The following LRFN5 variants were observed in gnomAD, a reference collection of about 807,000 sequenced individuals.
The protein encoded by LRFN5 is leucine rich repeat and fibronectin type III domain containing 5.
Under a neutral mutation model 45.6 loss-of-function variants are expected in LRFN5, and 24 were observed. The ratio of observed to expected loss-of-function variants is 0.53; its 90% confidence interval spans 0.38 to 0.74. The LOEUF is 0.74. Ranked by LOEUF, LRFN5 falls within the 30% of genes least tolerant of loss-of-function variation. The probability of loss-of-function intolerance (pLI) is 0.00; values close to 1 mark genes in which losing one functional copy is unlikely to be tolerated. For missense variants in LRFN5, 776 were observed against 861.5 expected, an observed-to-expected ratio of 0.90 and a Z score of 1.24; for synonymous variants, 340 against 313.8, an observed-to-expected ratio of 1.08 and a Z score of -0.88.
chr14:41,872,078 G>C (rs1890038811), intron 2 of LRFN5, among the ~76,000 whole-genome samples: 1 of 152,144 alleles, frequency 6.6e-6, no homozygotes, highest in Non-Finnish European at 1.5e-5. Flanking sequence ...GAGACTGAAT[G>C]AACAGTGCCT....
intron 2 of LRFN5, among the ~76,000 whole-genome samples, chr14:41,816,990 T>C (rs1265216007): frequency 6.8e-6 from 1 of 146,704 alleles, no homozygotes; most frequent in African/African-American, 2.5e-5. Context: ...AGCTTTTTAA[T>C]GTGGGAAGTT....
At chr14:41,671,604 A>ATTTTTTTTTTCTTT (rs1566613117) in intron 1 of LRFN5, among the ~76,000 whole-genome samples, 2 of 91,078 alleles carry the variant, frequency 2.2e-5, no homozygotes. Flanking sequence ...TGGAGGAGAG[A>ATTTTTTTTTTCTTT]TTTTTTTTTT....
At chr14:41,639,607 T>C (rs1879468725) in intron 1 of LRFN5, among the ~76,000 whole-genome samples, 1 of 152,106 alleles carries the variant, frequency 6.6e-6, no homozygotes, top group South Asian at 2.1e-4. Flanking sequence ...TATGATTTCA[T>C]AGGTAAAATC....
intron 2 of LRFN5, among the ~76,000 whole-genome samples, chr14:41,881,998 C>T (rs188542426): frequency 3.5e-4 from 53 of 152,208 alleles, no homozygotes; most frequent in African/African-American, 1.3e-3. Context: ...TAATGTTCAT[C>T]ACTTTTTCTT....
chr14:41,846,913 C>T (rs754336428), intron 2 of LRFN5, among the ~76,000 whole-genome samples: 5 of 152,028 alleles, frequency 3.3e-5, no homozygotes, highest in South Asian at 2.1e-4. Context: ...AACTTCAAAG[C>T]GACAAAGTTG....
chr14:41,726,634 A>AT (rs968472523), intron 1 of LRFN5, among the ~76,000 whole-genome samples: 21 of 151,588 alleles, frequency 1.4e-4, no homozygotes, highest in East Asian at 9.7e-4. Flanking sequence ...ATTTTTTTCT[A>AT]TTTTTTTTGA....
intron 5 of LRFN5, among the ~76,000 whole-genome samples, chr14:41,902,729 T>G (rs1157033805): frequency 1.3e-5 from 2 of 151,952 alleles, no homozygotes; most frequent in African/African-American, 4.8e-5. Flanking sequence ...CACTGTCATT[T>G]TCCTTCTAGG....
intron 2 of LRFN5, among the ~76,000 whole-genome samples, chr14:41,849,370 C>CA (rs1334908313): frequency 1.3e-5 from 2 of 151,898 alleles, no homozygotes; most frequent in African/African-American, 4.8e-5. Context: ...ATCCAAAACA[C>CA]AGTTTTGACT....
intron 5 of LRFN5, among the ~76,000 whole-genome samples, chr14:41,903,249 A>G (rs1891153484): frequency 6.6e-6 from 1 of 151,378 alleles, no homozygotes; most frequent in African/African-American, 2.4e-5. Flanking sequence ...TAACTTTATC[A>G]CATAAAATTA....
At chr14:41,754,845 A>C (rs1885302540) in intron 1 of LRFN5, among the ~76,000 whole-genome samples, 1 of 151,762 alleles carries the variant, frequency 6.6e-6, no homozygotes, top group Non-Finnish European at 1.5e-5. Flanking sequence ...TAGTTCTTTT[A>C]ATTGTGATGT....
intron 1 of LRFN5, among the ~76,000 whole-genome samples, chr14:41,697,980 A>G (rs1301510574): frequency 1.3e-5 from 2 of 151,964 alleles, no homozygotes; most frequent in East Asian, 3.9e-4. Context: ...GATTGGTACA[A>G]TTAATAGTTT....
chr14:41,758,231 A>G (rs186598944), intron 1 of LRFN5, among the ~76,000 whole-genome samples: 64 of 152,210 alleles, frequency 4.2e-4, no homozygotes, highest in Middle Eastern at 3.4e-3. Flanking sequence ...TGTTTTCCAG[A>G]TGTGGCTTGA....
chr14:41,829,094 A>G (rs1888391514), intron 2 of LRFN5, among the ~76,000 whole-genome samples: 1 of 151,970 alleles, frequency 6.6e-6, no homozygotes, highest in African/African-American at 2.4e-5. Flanking sequence ...TGATGATAAA[A>G]TCACTCCTAG....
chr14:41,673,204 A>C (rs971754906), intron 1 of LRFN5, among the ~76,000 whole-genome samples: 1 of 151,906 alleles, frequency 6.6e-6, no homozygotes, highest in African/African-American at 2.4e-5. Flanking sequence ...CATTGTCATC[A>C]TGGCCCGTTC....
At chr14:41,669,576 AAC>A (rs1218200942) in intron 1 of LRFN5, among the ~76,000 whole-genome samples, 1 of 152,000 alleles carries the variant, frequency 6.6e-6, no homozygotes, top group Non-Finnish European at 1.5e-5. Flanking sequence ...CTGTAAGCTT[AAC>A]ACATACTATT....
intron 2 of LRFN5, among the ~76,000 whole-genome samples, chr14:41,818,095 A>G (rs1488899301): frequency 6.6e-6 from 1 of 152,102 alleles, no homozygotes; most frequent in African/African-American, 2.4e-5. Context: ...ATGTTAAATT[A>G]TTACTTATAT....
chr14:41,752,316 T>A (rs1167127093), intron 1 of LRFN5, among the ~76,000 whole-genome samples: 1 of 152,178 alleles, frequency 6.6e-6, no homozygotes, highest in Non-Finnish European at 1.5e-5. Context: ...TATTTCTAGT[T>A]CTAGATCCCT....
intron 1 of LRFN5, among the ~76,000 whole-genome samples, chr14:41,682,296 CAT>C (rs1313764706): frequency 4.6e-5 from 7 of 151,692 alleles, no homozygotes; most frequent in African/African-American, 1.5e-4. Context: ...CTTGTCAAGA[CAT>C]AGACAGTATA....
intron 4 of LRFN5, chr14:41,892,386 A>T (rs1566509883): frequency 1.2e-5 from 12 of 985,132 alleles, no homozygotes; most frequent in Non-Finnish European, 1.4e-5. Context: ...AAAAAGCATG[A>T]CATAGCAGCA....
Sources: allele counts gnomAD v4.1 joint callset (sites outside exome capture counted in the v4.1 genomes callset), GRCh38; gene constraint gnomAD v4.1.1; transcripts MANE v1.5; gene names NCBI Gene and HGNC (gene_info 2026-07-23, HGNC 2026-07-21).